Variants in SH3PXD2B observed in about 807,000 individuals in gnomAD.
SH3PXD2B encodes SH3 and PX domain-containing protein 2B.
In SH3PXD2B, 37 loss-of-function variants were observed where a neutral mutation model predicts 73.1. That is an observed-to-expected ratio of 0.51 (90% CI 0.39 to 0.67). SH3PXD2B has a LOEUF of 0.67. Ranked by LOEUF, SH3PXD2B falls within the 30% of genes least tolerant of loss-of-function variation. The pLI is 0.00. For synonymous variants in SH3PXD2B, 457 were observed against 480.5 expected (o/e 0.95, Z 0.64); for missense variants, 1,053 against 1,197.8 (o/e 0.88, Z 1.78).
At chr5:172,342,483 G>A (rs1184989554) in intron 12 of SH3PXD2B, among the ~76,000 whole-genome samples, 3 of 152,144 alleles carry the variant, frequency 2.0e-5, no homozygotes, top group Non-Finnish European at 4.4e-5. Context: ...ACCCCTGGCC[G>A]GGCGCGGTGG....
intron 1 of SH3PXD2B, among the ~76,000 whole-genome samples, chr5:172,446,710 T>A (rs1581347311): frequency 6.6e-6 from 1 of 152,316 alleles, no homozygotes; most frequent in Admixed American, 6.5e-5. Context: ...GGCACACCTC[T>A]AACCTGGATG....
At chr5:172,425,761 A>T (rs1479701455) in intron 1 of SH3PXD2B, among the ~76,000 whole-genome samples, 1 of 152,020 alleles carries the variant, frequency 6.6e-6, no homozygotes, top group Non-Finnish European at 1.5e-5. Context: ...AAATATCCAT[A>T]GGTATCCCTC....
intron 1 of SH3PXD2B, among the ~76,000 whole-genome samples, chr5:172,432,302 C>T (rs927373890): frequency 4.2e-5 from 6 of 142,140 alleles, no homozygotes; most frequent in Admixed American, 2.1e-4. Flanking sequence ...AGCCATCTTG[C>T]GTTTAGGCTC....
intron 2 of SH3PXD2B, among the ~76,000 whole-genome samples, chr5:172,418,012 G>C (rs552170991): frequency 6.6e-6 from 1 of 152,100 alleles, no homozygotes; most frequent in African/African-American, 2.4e-5. Flanking sequence ...TGCCTCTTTT[G>C]GACACAGATA....
intron 8 of SH3PXD2B, among the ~76,000 whole-genome samples, chr5:172,355,232 G>A (rs897953523): frequency 2.0e-5 from 3 of 152,246 alleles, no homozygotes; most frequent in Non-Finnish European, 2.9e-5. Flanking sequence ...AGAGGGAGGC[G>A]GAAAACACAC....
intron 8 of SH3PXD2B, among the ~76,000 whole-genome samples, chr5:172,358,045 ATTG>A (rs1757320690): frequency 6.9e-6 from 1 of 145,718 alleles, no homozygotes. Context: ...TATAGATATC[ATTG>A]TTTCCATTTT....
chr5:172,331,253 G>A (rs1337368701), downstream of SH3PXD2B, among the ~76,000 whole-genome samples: 1 of 152,098 alleles, frequency 6.6e-6, no homozygotes, highest in Non-Finnish European at 1.5e-5. Flanking sequence ...TATAATTTTT[G>A]AACATGTAGA....
rs568487808 is a variant in SH3PXD2B, at chr5:172,375,109, A to G, written c.402-1294T>C. On this transcript the variant is annotated intron_variant, in intron 5 of 12. Transcript: ENST00000311601. ...AGCGGTGGTTCACGCCTGTAATCCC[A>G]GCACTTTGGGAGGCCTGGGGCAGGC... 7.9e-5 allele frequency among the ~76,000 whole-genome samples: 12 copies of G among 152,328 alleles called. 1 individual carries two copies. In the South Asian group the frequency reaches 2.5e-3, roughly 32 times the overall value.
At chr5:172,328,625 C>A (rs951639079), downstream of SH3PXD2B, among the ~76,000 whole-genome samples, 1 of 152,088 alleles carries the variant, frequency 6.6e-6, no homozygotes, top group African/African-American at 2.4e-5. Context: ...TTGAGAGGGC[C>A]GTGGGAGAAT....
chr5:172,449,277 T>C (rs1373571270), intron 1 of SH3PXD2B, among the ~76,000 whole-genome samples: 2 of 152,192 alleles, frequency 1.3e-5, no homozygotes, highest in African/African-American at 4.8e-5. Context: ...CAGTATCTCA[T>C]ATAAGGGGAA....
At chr5:172,434,998 T>C (rs964702811) in intron 1 of SH3PXD2B, among the ~76,000 whole-genome samples, 1 of 152,130 alleles carries the variant, frequency 6.6e-6, no homozygotes, top group African/African-American at 2.4e-5. Context: ...TTGCTCAGGC[T>C]GGTCTCAAAC....
intron 6 of SH3PXD2B, among the ~76,000 whole-genome samples, chr5:172,368,532 A>ATATATATAAAATATATATATATTATATG (rs1757597534): frequency 4.6e-5 from 1 of 21,900 alleles, no homozygotes; most frequent in African/African-American, 3.4e-4. Context: ...TATATTATAT[A>ATATATATAAAATATATATATATTATATG]TATATATAAA....
downstream of SH3PXD2B, among the ~76,000 whole-genome samples, chr5:172,333,092 C>T (rs778803990): frequency 6.1e-5 from 4 of 65,992 alleles, no homozygotes; most frequent in African/African-American, 1.9e-4. Flanking sequence ...CCCGACACCA[C>T]GCCCGGCGAA....
intron 1 of SH3PXD2B, among the ~76,000 whole-genome samples, chr5:172,453,370 C>T (rs1345836286): frequency 1.3e-5 from 2 of 152,172 alleles, no homozygotes; most frequent in African/African-American, 4.8e-5. Flanking sequence ...GTGGGCCCAT[C>T]ACCCCACATC....
Position 172,373,831 on chromosome 5 carries a change from A to AG in SH3PXD2B, c.402-17dup. On this transcript the variant is annotated splice_polypyrimidine_tract_variant and intron_variant, in intron 5 of 12. Coordinates refer to ENST00000311601, the MANE Select transcript of SH3PXD2B (RefSeq NM_001017995.3). ...AATGTGCTCCCTGTACAGGAAAGAA[A>AG]GGGGGTGGGAAGAGTAACGAGTCAG... 6.2e-7 allele frequency: 1 copy of AG among 1,613,950 alleles called. No homozygotes were observed. Among genetic ancestry groups the AG allele is most frequent in the Non-Finnish European group, 8.5e-7 (1 of 1,179,834 alleles).
chr5:172,444,360 C>T (rs879590938), intron 1 of SH3PXD2B, among the ~76,000 whole-genome samples: 4 of 152,136 alleles, frequency 2.6e-5, no homozygotes, highest in African/African-American at 4.8e-5. Context: ...TTCTGACAGC[C>T]CCACCTTTCC....
In SH3PXD2B at chr5:172,353,405, T is replaced by A. The variant is rs903782877; in HGVS notation, c.785+483A>T. 6.6e-6 allele frequency among the ~76,000 whole-genome samples: 1 copy of A among 152,190 alleles called. No individual in the cohort carries two copies. Among genetic ancestry groups the A allele is most frequent in the Admixed American group, 6.5e-5 (1 of 15,280 alleles). On this transcript the variant is annotated intron_variant, in intron 9 of 12. Coordinates refer to ENST00000311601, the MANE Select transcript of SH3PXD2B (RefSeq NM_001017995.3). This position sits in a 1 kb window ranked among gnomAD's most constrained non-coding sequence, Gnocchi z 4.3. The stretch of plus-strand genomic sequence containing the variant: ...CCTGGGAGGCTCTGATATCATCACA[T>A]AGGTGAAAGGGCTGTGAAAGGTGTT...
chr5:172,439,690 G>GCACACACACA lies in SH3PXD2B; in HGVS notation c.75+14587_75+14588insTGTGTGTGTG, dbSNP rs1488784600. 2.4e-3 allele frequency among the ~76,000 whole-genome samples: 273 copies of GCACACACACA among 113,196 alleles called. 2 individuals carry two copies. Among genetic ancestry groups the GCACACACACA allele is most frequent in the Non-Finnish European group, 3.0e-3 (170 of 55,910 alleles). The allele number at this position is 113,196 out of a possible 152,430, so 74.3% of individuals were successfully genotyped here. A position where few individuals can be genotyped will look rare whatever the true frequency, so the allele number is the denominator to read the frequency against. On this transcript the variant is annotated intron_variant, in intron 1 of 12. Transcript: ENST00000311601. ...TGTGTGCGTGCGTGCGCGCACGCGC[G>GCACACACACA]CGCACACACACACACACACACACAC...
intron 3 of SH3PXD2B, among the ~76,000 whole-genome samples, chr5:172,397,131 C>T (rs534645670): frequency 7.0e-4 from 107 of 152,170 alleles, no homozygotes; most frequent in Admixed American, 1.2e-3. Flanking sequence ...AGAATGCATT[C>T]CTAGGGGGAG....
Sources: allele counts gnomAD v4.1 joint callset (sites outside exome capture counted in the v4.1 genomes callset), GRCh38; gene constraint gnomAD v4.1.1; non-coding constraint Gnocchi (gnomAD v3.1); transcripts MANE v1.5; gene names NCBI Gene and HGNC (gene_info 2026-07-23, HGNC 2026-07-21).